The following MBD5 variants were observed in gnomAD, a reference collection of about 807,000 sequenced individuals.
The protein encoded by MBD5 is methyl-CpG binding domain protein 5.
MBD5 carries 13 observed loss-of-function variants against 117.3 expected under a neutral mutation model. The observed-to-expected ratio is 0.11, with a 90% CI of 0.07 to 0.18. The LOEUF (loss-of-function observed/expected upper bound fraction) is 0.18, where lower values mean the gene tolerates loss of function less well. Ranked by LOEUF, MBD5 falls within the 10% of genes least tolerant of loss-of-function variation. The probability of loss-of-function intolerance (pLI) is 1.00; values close to 1 mark genes in which losing one functional copy is unlikely to be tolerated. For synonymous variants in MBD5, 727 were observed against 766.4 expected (o/e 0.95, Z 0.85); for missense variants, 1,879 against 2,093.8 (o/e 0.90, Z 2.00).
rs993616774 is a variant in MBD5, at chr2:148,485,767, T to C, written c.3570T>C (p.Thr1190=). The change falls in exon 10 of 14, where the codon ACT becomes ACC. Residue 1190 remains threonine, a synonymous_variant. Transcript: ENST00000642680. The stretch of plus-strand genomic sequence containing the variant: ...GTGATATGTCATCAATAAACAATAC[T>C]TTGAGTAACCATCAACTGACTCATC... ...LLGDMSSINN[T]LSNHQLTHLQ... The C allele has an allele frequency of 1.9e-6, 3 of 1,613,366 alleles. No homozygotes were observed. The highest frequency in any genetic ancestry group is 2.5e-6 in the Non-Finnish European group (3 of 1,179,562).
intron 1 of MBD5, among the ~76,000 whole-genome samples, chr2:148,043,237 A>G (rs545817758): frequency 3.3e-5 from 5 of 151,848 alleles, no homozygotes; most frequent in African/African-American, 1.2e-4. Flanking sequence ...CATCCTGGCT[A>G]ACACAGTGAA....
At chr2:148,231,146 C>T (rs908807061) in intron 2 of MBD5, among the ~76,000 whole-genome samples, 1 of 151,280 alleles carries the variant, frequency 6.6e-6, no homozygotes, top group African/African-American at 2.4e-5. Flanking sequence ...GTCCTTATGG[C>T]CTAGCCTGCC....
At chr2:148,502,297 A>G in intron 11 of MBD5, 139 bp from the exon 12 acceptor site, 1 of 746,642 alleles carries the variant, frequency 1.3e-6, no homozygotes, top group South Asian at 1.5e-5. Flanking sequence ...GAGTGAGGAC[A>G]GAAGATTTGA....
At chr2:148,180,442 T>A (rs1222394490) in intron 2 of MBD5, among the ~76,000 whole-genome samples, 1 of 150,616 alleles carries the variant, frequency 6.6e-6, no homozygotes, top group African/African-American at 2.4e-5. Flanking sequence ...GCTCCAGCAA[T>A]CCTCCCACCT....
At chr2:148,443,526 G>A (rs1471499325) in intron 4 of MBD5, among the ~76,000 whole-genome samples, 4 of 151,300 alleles carry the variant, frequency 2.6e-5, no homozygotes, top group Non-Finnish European at 5.9e-5. Flanking sequence ...AGAAAATGTA[G>A]TATATATACA....
At chr2:148,117,342 G>A (rs1696665358) in intron 1 of MBD5, among the ~76,000 whole-genome samples, 1 of 151,546 alleles carries the variant, frequency 6.6e-6, no homozygotes, top group Admixed American at 6.6e-5. Flanking sequence ...AAAAAATGGA[G>A]TTTCCTCAGA....
intron 1 of MBD5, among the ~76,000 whole-genome samples, chr2:148,135,584 G>C (rs1697151615): frequency 6.6e-6 from 1 of 151,986 alleles, no homozygotes; most frequent in African/African-American, 2.4e-5. Flanking sequence ...TTTAGGGCTC[G>C]ACTTGTTTTT....
chr2:148,463,679 G>C (rs1439042116), intron 6 of MBD5, 60 bp from the exon 7 acceptor site: 2 of 1,579,986 alleles, frequency 1.3e-6, no homozygotes, highest in African/African-American at 1.4e-5. Context: ...TTAAACAAAG[G>C]GATCTTTTTA....
At chr2:148,139,083 C>A (rs1413407425) in intron 1 of MBD5, among the ~76,000 whole-genome samples, 1 of 152,042 alleles carries the variant, frequency 6.6e-6, no homozygotes, top group African/African-American at 2.4e-5. Flanking sequence ...TTGAGTTTAG[C>A]AAATTTTGAA....
intron 8 of MBD5, among the ~76,000 whole-genome samples, chr2:148,474,971 AG>A (rs1220376695): frequency 6.6e-6 from 1 of 152,142 alleles, no homozygotes; most frequent in African/African-American, 2.4e-5. Context: ...ATGAAGCTAC[AG>A]GGGCAGAAAG....
At chr2:148,211,407 T>TCA (rs1284046378) in intron 2 of MBD5, among the ~76,000 whole-genome samples, 1 of 152,200 alleles carries the variant, frequency 6.6e-6, no homozygotes, top group Non-Finnish European at 1.5e-5. Context: ...AACTTTGGAC[T>TCA]CAGAGAAAAC....
At chr2:148,138,449 C>T (rs1436007171) in intron 1 of MBD5, among the ~76,000 whole-genome samples, 1 of 152,186 alleles carries the variant, frequency 6.6e-6, no homozygotes, top group Non-Finnish European at 1.5e-5. Context: ...TGGAATAAAT[C>T]TTATTCTTCA....
Position 148,469,881 on chromosome 2 carries a change from T to A in MBD5, c.1938T>A (p.Asp646Glu), listed in dbSNP as rs762871908. ...AAAGTGGTCGAGCAGCACTAAGAGA[T>A]AAGCTGATGTCTCAGCAAAAAGACG... ...EGQSGRAALR[D>E]KLMSQQKDAL... The change falls in exon 8 of 14, where the codon GAT becomes GAA. Residue 646 changes from aspartate to glutamate, a missense_variant. Physicochemically the swap from Asp to Glu is conservative, Grantham distance 45. This residue lies in a region of MBD5 where 1,666 missense variants were observed against 1,792.2 expected (regional missense o/e 0.93). Transcript: ENST00000642680. 1.2e-6 allele frequency: 2 copies of A among 1,613,832 alleles called. No individual in the cohort carries two copies. The highest frequency in any genetic ancestry group is 1.7e-6 in the Non-Finnish European group (2 of 1,179,906).
chr2:148,362,579 C>T (rs115343392), intron 4 of MBD5, among the ~76,000 whole-genome samples: 3,677 of 152,292 alleles, frequency 0.024, 75 homozygotes, highest in Non-Finnish European at 0.035. Context: ...CTTAAAGGTT[C>T]CTTCCTACTG....
chr2:148,432,235 T>C (rs919747327), intron 4 of MBD5, among the ~76,000 whole-genome samples: 3 of 152,130 alleles, frequency 2.0e-5, no homozygotes, highest in Non-Finnish European at 4.4e-5. Context: ...CTTGTTCATC[T>C]GTTTAAATTT....
chr2:148,154,835 A>G (rs1174048431), intron 1 of MBD5, among the ~76,000 whole-genome samples: 2 of 151,840 alleles, frequency 1.3e-5, no homozygotes, highest in African/African-American at 4.8e-5. Context: ...ACTGTCTGGC[A>G]CTCCCTAGTG....
chr2:148,289,823 A>G (rs966047440), intron 3 of MBD5, among the ~76,000 whole-genome samples: 3 of 152,206 alleles, frequency 2.0e-5, no homozygotes, highest in African/African-American at 4.8e-5. Flanking sequence ...AAATGAAAGC[A>G]GAAAAAAAGT....
At chr2:148,201,236 G>A (rs1699132584) in intron 2 of MBD5, among the ~76,000 whole-genome samples, 1 of 152,104 alleles carries the variant, frequency 6.6e-6, no homozygotes, top group African/African-American at 2.4e-5. Flanking sequence ...TGAATGCAGG[G>A]TCTGGCTGGC....
intron 1 of MBD5, among the ~76,000 whole-genome samples, chr2:148,072,560 G>A (rs1388284159): frequency 2.0e-5 from 3 of 152,024 alleles, no homozygotes; most frequent in African/African-American, 7.2e-5. Context: ...CCAACCAAAG[G>A]TTTGATTCAG....
Sources: allele counts gnomAD v4.1 joint callset (sites outside exome capture counted in the v4.1 genomes callset), GRCh38; gene constraint gnomAD v4.1.1; regional missense constraint gnomAD v4.1.1; transcripts MANE v1.5; gene names NCBI Gene and HGNC (gene_info 2026-07-23, HGNC 2026-07-21).